Variants in FANCA observed in about 807,000 individuals in gnomAD.
FANCA encodes FA complementation group A, also known as Fanconi anemia group A protein.
A neutral mutation model predicts 194.3 loss-of-function variants in FANCA; 236 were observed. The ratio of observed to expected loss-of-function variants is 1.21; its 90% CI spans 1.09 to 1.35. The LOEUF (loss-of-function observed/expected upper bound fraction) is 1.35. Ranked by LOEUF, FANCA falls within the 40% of genes most tolerant of loss-of-function variation. FANCA has a pLI of 0.00. For synonymous variants in FANCA, 1,014 were observed against 715.8 expected (o/e 1.42, Z -6.65); for missense variants, 2,628 against 1,813.9 (o/e 1.45, Z -8.15).
intron 30 of FANCA, among the ~76,000 whole-genome samples, chr16:89,755,923 C>T (rs12597296): frequency 0.059 from 8,998 of 151,738 alleles, 401 homozygotes; most frequent in East Asian, 0.22. Context: ...GCCCACCGCG[C>T]AGAAACAGAC....
chr16:89,752,227 A>G lies in FANCA; in HGVS notation c.2982-5T>C. 1 of 1,612,206 alleles carries G rather than the reference A, an allele frequency of 6.2e-7. No individual in the cohort carries two copies. Among genetic ancestry groups the G allele is most frequent in the Non-Finnish European group, 8.5e-7 (1 of 1,178,478 alleles). ...GAGTGGTCATAACTCCTTGAGCTGA[A>G]ATGAAAATACAATAAAATCCTCCTC... On this transcript the variant is annotated splice_region_variant and splice_polypyrimidine_tract_variant and intron_variant, in intron 30 of 42. Transcript: ENST00000389301.
chr16:89,811,496 TAGGC>T (rs538555563), intron 3 of FANCA, among the ~76,000 whole-genome samples: 1 of 152,258 alleles, frequency 6.6e-6, no homozygotes, highest in South Asian at 2.1e-4. Flanking sequence ...GTGATAAAAT[TAGGC>T]AGGGATTTCC....
chr16:89,809,530 A>G (rs1249139187), intron 5 of FANCA, among the ~76,000 whole-genome samples: 1 of 152,060 alleles, frequency 6.6e-6, no homozygotes, highest in Non-Finnish European at 1.5e-5. Context: ...CCTGGCCAAC[A>G]TGGTGAAACC....
chr16:89,815,603 G>A (rs1369410937), intron 2 of FANCA, among the ~76,000 whole-genome samples: 1 of 151,928 alleles, frequency 6.6e-6, no homozygotes, highest in African/African-American at 2.4e-5. Flanking sequence ...TGATCCACCC[G>A]CCTTGGCCTC....
chr16:89,750,003 G>A, intron 31 of FANCA, 101 bp from the exon 32 acceptor site: 3 of 1,214,652 alleles, frequency 2.5e-6, no homozygotes, highest in Non-Finnish European at 3.6e-6. Context: ...CTCCACAGTG[G>A]ACAGGGCAAG....
intron 28 of FANCA, 149 bp from the exon 29 acceptor site, chr16:89,762,171 A>G (rs1319500442): frequency 7.0e-6 from 5 of 715,096 alleles, no homozygotes; most frequent in Non-Finnish European, 1.3e-5. Flanking sequence ...TCCACAGGAA[A>G]GAAACCTTAG....
intron 30 of FANCA, among the ~76,000 whole-genome samples, chr16:89,753,645 G>A (rs1484337223): frequency 6.6e-6 from 1 of 152,176 alleles, no homozygotes; most frequent in Non-Finnish European, 1.5e-5. Context: ...TGGCATGGAT[G>A]AAAACCCACA....
In FANCA at chr16:89,811,880, G is replaced by A. The variant is rs568818603; in HGVS notation, c.284-809C>T. ...CAAGTAGCTGGGATTACAGGCACGC[G>A]TCACTACGCCCAGTTAATTTTTTGT... On this transcript the variant is annotated intron_variant, in intron 3 of 42. Coordinates refer to ENST00000389301, the MANE Select transcript of FANCA (RefSeq NM_000135.4). Among the ~76,000 whole-genome samples the A allele has an allele frequency of 5.3e-5, 8 of 152,012 alleles. No individual in the cohort carries two copies. The East Asian group carries it at 9.8e-4, about 19-fold the overall frequency.
In FANCA at chr16:89,773,295, T is replaced by C. The variant is rs748579719; in HGVS notation, c.1990A>G (p.Met664Val). The change falls in exon 22 of 43, where the codon ATG becomes GTG. Residue 664 changes from methionine (M) to valine (V), a missense_variant. Physicochemically the swap from Met to Val is conservative, Grantham distance 21. Coordinates refer to ENST00000389301, the MANE Select transcript of FANCA (RefSeq NM_000135.4). ...CCATCACGCTGGCTGGGGTCTGTCA[T>C]GGAGGCTCTCAGCTCTCCCAGTGCA... is the stretch of plus-strand genomic sequence containing the variant. The part of the protein sequence containing the change: ...TAALGELRAS[M>V]TDPSQRDVIS... 30 of 1,551,230 alleles carry C rather than the reference T, an allele frequency of 1.9e-5. No individual in the cohort carries two copies. Among genetic ancestry groups the C allele is most frequent in the Non-Finnish European group, 1.7e-6 (2 of 1,146,914 alleles).
intron 23 of FANCA, among the ~76,000 whole-genome samples, chr16:89,771,438 A>G (rs1316421540): frequency 6.6e-6 from 1 of 152,118 alleles, no homozygotes; most frequent in Non-Finnish European, 1.5e-5. Flanking sequence ...CAGCCTGGGC[A>G]ACAAAGCAAG....
chr16:89,740,196 T>TC, intron 38 of FANCA, 97 bp from the exon 39 acceptor site: 2 of 984,548 alleles, frequency 2.0e-6, no homozygotes, highest in Non-Finnish European at 3.3e-6. Flanking sequence ...CATTTCCTCT[T>TC]TGCTTATTGT....
intron 30 of FANCA, 101 bp from the exon 31 acceptor site, chr16:89,752,323 T>A: frequency 1.1e-6 from 1 of 940,582 alleles, no homozygotes. Flanking sequence ...GCTGTGCTTC[T>A]CTGACAGTGT....
At chr16:89,799,570 C>T (rs1446173981) in intron 9 of FANCA, 35 bp downstream of exon 9, 3 of 1,599,222 alleles carry the variant, frequency 1.9e-6, no homozygotes, top group Non-Finnish European at 2.6e-6. Flanking sequence ...CAAACTAAGT[C>T]ATTTACAGTC....
intron 24 of FANCA, 57 bp from the exon 25 acceptor site, chr16:89,770,316 C>G: frequency 2.1e-6 from 3 of 1,425,918 alleles, no homozygotes; most frequent in African/African-American, 1.4e-5. Context: ...CACATCCCTC[C>G]AACAGCTAAT....
intron 14 of FANCA, among the ~76,000 whole-genome samples, chr16:89,790,505 C>T (rs62052712): frequency 0.06 from 8,988 of 149,976 alleles, 411 homozygotes; most frequent in East Asian, 0.22. Context: ...ACAAGACGGG[C>T]GGATCATGAG....
intron 5 of FANCA, 128 bp from the exon 6 acceptor site, chr16:89,808,495 C>G: frequency 1.1e-6 from 1 of 935,384 alleles, no homozygotes; most frequent in Non-Finnish European, 1.7e-6. Context: ...TGAAAATTAA[C>G]CTCAAGCAAA....
intron 33 of FANCA, among the ~76,000 whole-genome samples, chr16:89,747,779 C>G (rs1239539409): frequency 6.6e-6 from 1 of 152,138 alleles, no homozygotes; most frequent in Non-Finnish European, 1.5e-5. Flanking sequence ...CCATCTCTCA[C>G]ATTTGTGCAT....
At chr16:89,746,989 T>C (rs1280414550) in intron 33 of FANCA, 99 bp from the exon 34 acceptor site, 6 of 1,170,952 alleles carry the variant, frequency 5.1e-6, no homozygotes, top group Non-Finnish European at 7.4e-6. Flanking sequence ...AGAAAAACAC[T>C]CGCTAAGGCT....
chr16:89,760,725 C>G (rs1456435312), intron 29 of FANCA, among the ~76,000 whole-genome samples: 8 of 152,198 alleles, frequency 5.3e-5, no homozygotes. Flanking sequence ...TTACCCACTT[C>G]TTGGTGCCCC....
Sources: gnomAD v4.1 joint callset for allele counts (sites outside exome capture counted in the v4.1 genomes callset) on GRCh38, gnomAD v4.1.1 for gene constraint, MANE v1.5 for transcripts, NCBI Gene and HGNC (gene_info 2026-07-23, HGNC 2026-07-21) for gene names.